PAPSS1: variants seen among roughly 807,000 people sequenced by gnomAD.
The protein encoded by PAPSS1 is 3'-phosphoadenosine 5'-phosphosulfate synthase 1.
Under a neutral mutation model 72.0 loss-of-function variants are expected in PAPSS1, and 50 were observed. The ratio of observed to expected loss-of-function variants is 0.69; its 90% CI spans 0.55 to 0.88. The LOEUF is 0.88. Among genes scored for constraint, PAPSS1 ranks in the 40% least tolerant of loss-of-function variants. The probability of loss-of-function intolerance (pLI) is 0.00; values close to 1 mark genes in which losing one functional copy is unlikely to be tolerated. For missense variants in PAPSS1, 657 were observed against 782.2 expected, an observed-to-expected ratio of 0.84 and a Z score of 1.91; for synonymous variants, 261 against 263.6, an observed-to-expected ratio of 0.99 and a Z score of 0.09.
intron 11 of PAPSS1, among the ~76,000 whole-genome samples, chr4:107,625,224 G>A (rs1726059760): frequency 6.6e-6 from 1 of 152,150 alleles, no homozygotes; most frequent in Admixed American, 6.5e-5. Flanking sequence ...AATGACCTTT[G>A]TCCCCAGTGT....
At chr4:107,635,666 AT>A (rs544103229) in intron 10 of PAPSS1, among the ~76,000 whole-genome samples, 28 of 152,310 alleles carry the variant, frequency 1.8e-4, no homozygotes, top group African/African-American at 6.3e-4. Flanking sequence ...GTGAGTTAAC[AT>A]TTTAAAAATA....
intron 3 of PAPSS1, among the ~76,000 whole-genome samples, chr4:107,689,338 C>A (rs529429593): frequency 3.1e-4 from 47 of 152,240 alleles, no homozygotes; most frequent in African/African-American, 1.1e-3. Context: ...CCTTAGGCCT[C>A]CCCACGCCAC....
chr4:107,712,878 G>GAA (rs11380474), intron 1 of PAPSS1, among the ~76,000 whole-genome samples: 276 of 140,046 alleles, frequency 2.0e-3, no homozygotes, highest in African/African-American at 3.3e-3. Flanking sequence ...TCTCGGGAAA[G>GAA]AAAAAAAAAA....
At chr4:107,702,875 T>G (rs550715669) in intron 1 of PAPSS1, among the ~76,000 whole-genome samples, 1 of 152,334 alleles carries the variant, frequency 6.6e-6, no homozygotes, top group East Asian at 1.9e-4. Context: ...ATACACCTAG[T>G]AGTGGGATTG....
At position 107,653,589 on chromosome 4, in the gene PAPSS1, TCTC is replaced by T. The variant is rs1271949026; in HGVS notation, c.1136_1138del (p.Gly379del). The T allele has an allele frequency of 6.2e-7, 1 of 1,613,578 alleles. No homozygotes were observed. Among genetic ancestry groups the T allele is most frequent in the Non-Finnish European group, 8.5e-7 (1 of 1,179,708 alleles). On this transcript the variant is annotated inframe_deletion, in exon 9 of 12. Transcript: ENST00000265174. ...ATAAACTCGATCCAAGACTTGAAGA[TCTC>T]CTCCAATCAGCCAATCTCCTTGTTC...
intron 3 of PAPSS1, among the ~76,000 whole-genome samples, chr4:107,689,453 C>A (rs1261105625): frequency 6.6e-6 from 1 of 152,184 alleles, no homozygotes; most frequent in Non-Finnish European, 1.5e-5. Flanking sequence ...GCCTTCCCTG[C>A]ATGCTCAGGC....
intron 5 of PAPSS1, among the ~76,000 whole-genome samples, chr4:107,668,251 G>C (rs1208073607): frequency 2.0e-5 from 3 of 152,110 alleles, no homozygotes; most frequent in Non-Finnish European, 4.4e-5. Flanking sequence ...TTCCTTATCA[G>C]CAAAATGAAG....
chr4:107,715,937 A>G (rs978695835), intron 1 of PAPSS1, among the ~76,000 whole-genome samples: 1 of 152,218 alleles, frequency 6.6e-6, no homozygotes, highest in Non-Finnish European at 1.5e-5. Context: ...TGAGAGATGA[A>G]GGAGTTAAAT....
chr4:107,707,775 A>T (rs1312943531), intron 1 of PAPSS1, among the ~76,000 whole-genome samples: 3 of 152,220 alleles, frequency 2.0e-5, no homozygotes, highest in Non-Finnish European at 4.4e-5. Context: ...GTGCAAGAAT[A>T]GTTGTTCAAT....
At chr4:107,638,984 C>T (rs1279644543) in intron 10 of PAPSS1, among the ~76,000 whole-genome samples, 1 of 152,160 alleles carries the variant, frequency 6.6e-6, no homozygotes, top group African/African-American at 2.4e-5. Context: ...AAAACCCACA[C>T]ATTCCTATTC....
In PAPSS1 at chr4:107,635,805, A is replaced by C. The variant is rs543087208; in HGVS notation, c.1507-3945T>G. Among the ~76,000 whole-genome samples, 6 of 152,348 alleles carry C rather than the reference A, an allele frequency of 3.9e-5. No homozygotes were observed. The East Asian group carries it at 1.2e-3, about 29-fold the overall frequency. On this transcript the variant is annotated intron_variant, in intron 10 of 11. Transcript: ENST00000265174. ...GAAACTAAAAAATTATGTAATAAAC[A>C]TTACTTTATAAGACTTTAAAATATT... is the stretch of plus-strand genomic sequence containing the variant.
intron 10 of PAPSS1, among the ~76,000 whole-genome samples, chr4:107,638,852 A>G (rs938516302): frequency 1.3e-5 from 2 of 152,362 alleles, no homozygotes; most frequent in South Asian, 2.1e-4. Context: ...AATCAATAAG[A>G]TAGTTATTAT....
chr4:107,700,752 T>C (rs531968509), intron 2 of PAPSS1, among the ~76,000 whole-genome samples: 1 of 152,294 alleles, frequency 6.6e-6, no homozygotes, highest in South Asian at 2.1e-4. Context: ...AGTCCCTCAA[T>C]CTTGGACTTC....
chr4:107,716,502 T>G (rs1206622919), intron 1 of PAPSS1, among the ~76,000 whole-genome samples: 1 of 152,182 alleles, frequency 6.6e-6, no homozygotes, highest in Admixed American at 6.5e-5. Flanking sequence ...ACGCTTCTTT[T>G]AGGACACTAC....
intron 3 of PAPSS1, 38 bp downstream of exon 3, chr4:107,693,733 A>G (rs777546945): frequency 7.0e-7 from 1 of 1,420,718 alleles, no homozygotes; most frequent in Non-Finnish European, 1.0e-6. Context: ...ATTCTCAATA[A>G]ATGTAAGCAG....
In PAPSS1 at chr4:107,614,233, T is replaced by C; in HGVS notation, c.*16A>G. 1 of 1,609,276 alleles carries C rather than the reference T, an allele frequency of 6.2e-7. No individual in the cohort carries two copies. The highest frequency in any genetic ancestry group is 1.1e-5 in the South Asian group (1 of 90,210). ...TACTAGTAATGTGTCAAAGGTGGAG[T>C]GACTGGGTTAACAGCCTAAGCTTTC... On this transcript the variant is annotated 3_prime_UTR_variant, in exon 12 of 12. Transcript: ENST00000265174.
At chr4:107,696,817 T>A (rs1723077118) in intron 2 of PAPSS1, among the ~76,000 whole-genome samples, 1 of 152,112 alleles carries the variant, frequency 6.6e-6, no homozygotes, top group Admixed American at 6.6e-5. Context: ...TAAAAACCGA[T>A]ATTAATGACT....
At chr4:107,703,600 T>C (rs1723262440) in intron 1 of PAPSS1, among the ~76,000 whole-genome samples, 1 of 152,180 alleles carries the variant, frequency 6.6e-6, no homozygotes, top group South Asian at 2.1e-4. Context: ...CCCAACACCA[T>C]TTTTTGAAGA....
intron 5 of PAPSS1, among the ~76,000 whole-genome samples, chr4:107,670,460 C>G (rs1488206887): frequency 6.6e-6 from 1 of 152,146 alleles, no homozygotes; most frequent in Non-Finnish European, 1.5e-5. Flanking sequence ...AGAAAATATG[C>G]AGCATGGAAC....
Sources: allele counts gnomAD v4.1 joint callset (sites outside exome capture counted in the v4.1 genomes callset), GRCh38; gene constraint gnomAD v4.1.1; transcripts MANE v1.5; gene names NCBI Gene and HGNC (gene_info 2026-07-23, HGNC 2026-07-21).